The following DENND4C variants were observed in gnomAD, a reference collection of about 807,000 sequenced individuals.
The protein encoded by DENND4C is DENN domain-containing protein 4C.
In DENND4C, 108 loss-of-function variants were observed where a neutral mutation model predicts 203.0. That is an observed-to-expected ratio of 0.53 (90% CI 0.46 to 0.62). DENND4C has a LOEUF of 0.62. DENND4C is among the 20% of genes least tolerant of loss of function. The probability of loss-of-function intolerance (pLI) is 0.00; values close to 1 mark genes in which losing one functional copy is unlikely to be tolerated. For missense variants in DENND4C, 2,481 were observed against 2,301.2 expected (o/e 1.08, Z -1.60); for synonymous variants, 871 against 792.4 (o/e 1.10, Z -1.67).
chr9:19,321,712 G>T (rs780198145), intron 12 of DENND4C, among the ~76,000 whole-genome samples: 1 of 151,502 alleles, frequency 6.6e-6, no homozygotes, highest in Non-Finnish European at 1.5e-5. Flanking sequence ...CATGCCTGTA[G>T]TCCCAGCTAC....
chr9:19,279,413 G>A (rs964996591), intron 2 of DENND4C, among the ~76,000 whole-genome samples: 9 of 149,652 alleles, frequency 6.0e-5, no homozygotes, highest in Admixed American at 3.3e-4. Context: ...GGTGGTTCAC[G>A]CCTGTAATCC....
chr9:19,332,765 A>ATTT (rs35052178), intron 17 of DENND4C, among the ~76,000 whole-genome samples: 8,261 of 110,306 alleles, frequency 0.075, 368 homozygotes, highest in South Asian at 0.16. Flanking sequence ...TCTGTTTTTG[A>ATTT]TTTTTTTTTT....
Position 19,346,338 on chromosome 9 carries a change from C to A in DENND4C, c.3569C>A (p.Pro1190His). 1 of 1,614,144 alleles carries A rather than the reference C, an allele frequency of 6.2e-7. No homozygotes were observed. The highest frequency in any genetic ancestry group is 8.5e-7 in the Non-Finnish European group (1 of 1,180,026). ...MLEESQELLEPVVDDVPKTTA... is the reference protein window; with the variant it reads ...MLEESQELLEHVVDDVPKTTA... ...GAGGAAAGCCAAGAACTCCTTGAGC[C>A]TGTGGTTGATGACGTACCTAAAACT... Residue 1190 changes from proline to histidine, a missense_variant, in exon 23 of 33, where the codon CCT becomes CAT. Pro to His is a moderately conservative substitution (Grantham distance 77, BLOSUM62 -2). This residue lies in a region of DENND4C where 2,289 missense variants were observed against 2,113.3 expected (regional missense o/e 1.08). Transcript: ENST00000434457.
intron 17 of DENND4C, among the ~76,000 whole-genome samples, chr9:19,333,000 A>C (rs1021266929): frequency 6.7e-6 from 1 of 149,862 alleles, no homozygotes; most frequent in East Asian, 1.9e-4. Context: ...TGAGTTATAT[A>C]ATCTATTTAA....
chr9:19,253,359 C>T (rs1353856138), intron 1 of DENND4C, among the ~76,000 whole-genome samples: 1 of 152,300 alleles, frequency 6.6e-6, no homozygotes, highest in East Asian at 1.9e-4. Context: ...ATTTGCATCC[C>T]TTCTTTATAA....
intron 24 of DENND4C, 125 bp downstream of exon 24, chr9:19,351,004 C>T: frequency 1.1e-6 from 1 of 944,124 alleles, no homozygotes; most frequent in Admixed American, 2.9e-5. Flanking sequence ...CTCAAGCAAT[C>T]TGCCTGCCTC....
chr9:19,298,268 G>A, intron 7 of DENND4C, 146 bp downstream of exon 7: 2 of 625,718 alleles, frequency 3.2e-6, no homozygotes, highest in Non-Finnish European at 2.7e-6. Flanking sequence ...TAGCTTTACT[G>A]AACACCCTTT....
chr9:19,233,687 G>A (rs950676665), intron 1 of DENND4C, among the ~76,000 whole-genome samples: 4 of 131,760 alleles, frequency 3.0e-5, no homozygotes, highest in African/African-American at 1.1e-4. Flanking sequence ...CTGCCTCCCA[G>A]ATGCAAGCGA....
chr9:19,317,690 A>G (rs1317887320), intron 12 of DENND4C, among the ~76,000 whole-genome samples: 1 of 152,210 alleles, frequency 6.6e-6, no homozygotes, highest in Non-Finnish European at 1.5e-5. Context: ...GTAGGAATAT[A>G]AAGAAGTATA....
intron 2 of DENND4C, 199 bp downstream of exon 2, chr9:19,276,678 C>T (rs1333766073): frequency 8.0e-6 from 3 of 375,476 alleles, no homozygotes; most frequent in Non-Finnish European, 1.4e-5. Context: ...TTTGCATTGC[C>T]TTGAATTGTT....
chr9:19,276,902 A>G (rs1002044221), intron 2 of DENND4C, among the ~76,000 whole-genome samples: 8 of 151,982 alleles, frequency 5.3e-5, no homozygotes, highest in Admixed American at 2.0e-4. Flanking sequence ...GTCCTATTTT[A>G]AATACAGTTG....
intron 12 of DENND4C, among the ~76,000 whole-genome samples, chr9:19,319,474 G>C (rs1056872540): frequency 2.3e-4 from 27 of 118,712 alleles, no homozygotes; most frequent in Admixed American, 9.3e-4. Flanking sequence ...ATTTTGAGGG[G>C]GACACAGTTT....
intron 12 of DENND4C, among the ~76,000 whole-genome samples, chr9:19,320,221 C>T (rs1842650772): frequency 6.7e-6 from 1 of 149,416 alleles, no homozygotes; most frequent in Admixed American, 6.7e-5. Flanking sequence ...TTTTTAAAGA[C>T]AGAGTCTTTG....
chr9:19,325,298 C>T (rs1366556114), intron 13 of DENND4C, among the ~76,000 whole-genome samples: 2 of 151,992 alleles, frequency 1.3e-5, no homozygotes, highest in Non-Finnish European at 2.9e-5. Flanking sequence ...CCCACCCATC[C>T]TAAGGAAGTT....
intron 1 of DENND4C, among the ~76,000 whole-genome samples, chr9:19,258,538 T>G (rs1158550297): frequency 6.6e-6 from 1 of 152,232 alleles, no homozygotes. Context: ...GATTGATCTA[T>G]AACTTGAAAA....
chr9:19,235,190 C>G (rs1037092736), intron 1 of DENND4C, among the ~76,000 whole-genome samples: 11 of 151,724 alleles, frequency 7.3e-5, no homozygotes, highest in Non-Finnish European at 1.2e-4. Flanking sequence ...GTCTTGAACT[C>G]CTGACCTCAG....
intron 17 of DENND4C, 102 bp from the exon 18 acceptor site, chr9:19,334,875 A>G (rs2131837910): frequency 8.3e-7 from 1 of 1,206,874 alleles, no homozygotes; most frequent in South Asian, 1.8e-5. Context: ...CAAAGGAGAA[A>G]ATACTGCTTA....
intron 1 of DENND4C, among the ~76,000 whole-genome samples, chr9:19,237,378 G>A (rs1193219992): frequency 1.3e-5 from 2 of 150,462 alleles, no homozygotes; most frequent in African/African-American, 4.9e-5. Flanking sequence ...TTGAGGCAGA[G>A]TCTCGCTCTA....
At chr9:19,271,034 G>A (rs878995988) in intron 1 of DENND4C, among the ~76,000 whole-genome samples, 1 of 152,120 alleles carries the variant, frequency 6.6e-6, no homozygotes, top group Admixed American at 6.6e-5. Context: ...TGGAAGACCT[G>A]TATGTTGCAA....
Sources: allele counts gnomAD v4.1 joint callset (sites outside exome capture counted in the v4.1 genomes callset), GRCh38; gene constraint gnomAD v4.1.1; regional missense constraint gnomAD v4.1.1; transcripts MANE v1.5; gene names NCBI Gene and HGNC (gene_info 2026-07-23, HGNC 2026-07-21).